CAMKMT: variants seen among roughly 807,000 people sequenced by gnomAD.
CAMKMT encodes calmodulin-lysine N-methyltransferase, also known as CaM KMT.
In CAMKMT, 53 loss-of-function variants were observed where a neutral mutation model predicts 48.0. The ratio of observed to expected loss-of-function variants is 1.10; its 90% confidence interval spans 0.89 to 1.39. The LOEUF is 1.39. CAMKMT is among the 40% of genes most tolerant of loss of function. The pLI is 0.00. For missense variants in CAMKMT, 428 were observed against 402.7 expected (o/e 1.06, Z -0.54); for synonymous variants, 165 against 152.3 (o/e 1.08, Z -0.61).
chr2:44,449,327 C>A (rs376358874), intron 3 of CAMKMT, among the ~76,000 whole-genome samples: 1 of 152,094 alleles, frequency 6.6e-6, no homozygotes, highest in African/African-American at 2.4e-5. Flanking sequence ...TAAACCCATG[C>A]ATGTTATTTC....
At chr2:44,507,542 C>T (rs1670324545) in intron 3 of CAMKMT, among the ~76,000 whole-genome samples, 1 of 151,896 alleles carries the variant, frequency 6.6e-6, no homozygotes, top group South Asian at 2.1e-4. Flanking sequence ...TCATTTTTTT[C>T]TTGTCTATTT....
At position 44,579,975 on chromosome 2, in the gene CAMKMT, G is replaced by A. The variant is rs1484188850; in HGVS notation, c.377-124308G>A. Among the ~76,000 whole-genome samples, 4 of 152,252 alleles carry A rather than the reference G, an allele frequency of 2.6e-5. No homozygotes were observed. In the East Asian group the frequency reaches 5.8e-4, roughly 22 times the overall value. On this transcript the variant is annotated intron_variant, in intron 3 of 10. Transcript: ENST00000378494. The stretch of plus-strand genomic sequence containing the variant: ...AGCAAGCATCTTACAGAAATGAGGT[G>A]TCCTAGTTTTTTTTAGACCCAATTC...
chr2:44,659,461 G>A (rs1674560574), intron 3 of CAMKMT, among the ~76,000 whole-genome samples: 1 of 151,544 alleles, frequency 6.6e-6, no homozygotes, highest in African/African-American at 2.4e-5. Context: ...GGAGTTCAGT[G>A]GGTCATGCCT....
chr2:44,381,418 A>T (rs982783217), intron 2 of CAMKMT, among the ~76,000 whole-genome samples: 12 of 152,186 alleles, frequency 7.9e-5, no homozygotes, highest in African/African-American at 2.9e-4. Flanking sequence ...GACAGATGCA[A>T]GAAGAAGAGA....
At chr2:44,435,799 T>G (rs1005178133) in intron 3 of CAMKMT, among the ~76,000 whole-genome samples, 5 of 152,234 alleles carry the variant, frequency 3.3e-5, no homozygotes, top group African/African-American at 9.6e-5. Context: ...AAGCTTAAAA[T>G]TATTTGAATT....
intron 3 of CAMKMT, among the ~76,000 whole-genome samples, chr2:44,650,282 C>G (rs974297964): frequency 1.3e-5 from 2 of 152,138 alleles, no homozygotes; most frequent in African/African-American, 4.8e-5. Flanking sequence ...TTGTCGTCAC[C>G]TGGTGCTCTC....
Position 44,657,890 on chromosome 2 carries a change from C to A in CAMKMT, c.377-46393C>A, listed in dbSNP as rs751536578. On this transcript the variant is annotated intron_variant, in intron 3 of 10. Transcript: ENST00000378494. The surrounding 1 kb of genome is among the most constrained non-coding windows in gnomAD (Gnocchi z 4.3). ...ACGTTTATCTAACATCTTAGGTGTT[C>A]ATTTCAAAATTCATATAAATGTCTC... Among the ~76,000 whole-genome samples, 10 of 145,214 alleles carry A rather than the reference C, an allele frequency of 6.9e-5. No homozygotes were observed. The highest frequency in any genetic ancestry group is 1.3e-4 in the Non-Finnish European group (9 of 67,832).
intron 3 of CAMKMT, among the ~76,000 whole-genome samples, chr2:44,670,367 C>T (rs895276542): frequency 6.6e-6 from 1 of 152,194 alleles, no homozygotes; most frequent in Non-Finnish European, 1.5e-5. Flanking sequence ...TCACTTGACA[C>T]CAGGAGTTCA....
intron 7 of CAMKMT, among the ~76,000 whole-genome samples, chr2:44,719,560 A>G (rs1390410506): frequency 6.6e-6 from 1 of 152,194 alleles, no homozygotes; most frequent in African/African-American, 2.4e-5. Flanking sequence ...GTACTCCCTG[A>G]AGCAATTAGT....
intron 3 of CAMKMT, among the ~76,000 whole-genome samples, chr2:44,515,057 T>C (rs1670767870): frequency 2.0e-5 from 3 of 152,232 alleles, no homozygotes; most frequent in Admixed American, 1.3e-4. Flanking sequence ...TGATATACTT[T>C]TGTGTCTTAA....
At chr2:44,428,529 C>T (rs1218752123) in intron 3 of CAMKMT, among the ~76,000 whole-genome samples, 1 of 152,222 alleles carries the variant, frequency 6.6e-6, no homozygotes, top group Non-Finnish European at 1.5e-5. Flanking sequence ...CAGGTCCAGG[C>T]TCGAGGGTGG....
intron 3 of CAMKMT, among the ~76,000 whole-genome samples, chr2:44,695,754 G>C (rs924157803): frequency 6.6e-6 from 1 of 152,120 alleles, no homozygotes; most frequent in Admixed American, 6.5e-5. Flanking sequence ...GCAGATATGA[G>C]AAAGCCAGCA....
At chr2:44,733,861 T>G (rs1679213329) in intron 7 of CAMKMT, among the ~76,000 whole-genome samples, 1 of 152,182 alleles carries the variant, frequency 6.6e-6, no homozygotes, top group South Asian at 2.1e-4. Context: ...ATATGTTGTA[T>G]TAATATTGCA....
At chr2:44,768,675 G>T (rs534141016) in intron 10 of CAMKMT, among the ~76,000 whole-genome samples, 1 of 152,286 alleles carries the variant, frequency 6.6e-6, no homozygotes, top group East Asian at 1.9e-4. Flanking sequence ...CCGCCCGCCC[G>T]GGGCTCCGGG....
intron 7 of CAMKMT, among the ~76,000 whole-genome samples, chr2:44,735,277 G>C (rs35861968): frequency 6.6e-6 from 1 of 152,134 alleles, no homozygotes; most frequent in East Asian, 1.9e-4. Flanking sequence ...CATGTACTTC[G>C]GTCTAGCTGT....
chr2:44,453,953 G>A (rs569742546), intron 3 of CAMKMT, among the ~76,000 whole-genome samples: 4 of 151,980 alleles, frequency 2.6e-5, no homozygotes, highest in Non-Finnish European at 5.9e-5. Flanking sequence ...TAAAGCTTGA[G>A]GCAGTGTTGT....
intron 3 of CAMKMT, among the ~76,000 whole-genome samples, chr2:44,587,651 T>TGG (rs1669942885): frequency 3.4e-5 from 4 of 119,236 alleles, no homozygotes; most frequent in African/African-American, 6.1e-5. Flanking sequence ...GGTTTTCCTT[T>TGG]TTTTTTTTTG....
intron 3 of CAMKMT, among the ~76,000 whole-genome samples, chr2:44,627,369 G>C (rs1441147853): frequency 2.0e-5 from 3 of 151,938 alleles, no homozygotes; most frequent in Non-Finnish European, 4.4e-5. Context: ...TTTTTGTCTG[G>C]TTTTGGTATC....
chr2:44,742,291 C>G lies in CAMKMT; in HGVS notation c.624-1331C>G, dbSNP rs555070100. On this transcript the variant is annotated intron_variant, in intron 7 of 10. Transcript: ENST00000378494. ...TTTCCTAATTTCCTTCATTTCTTGC[C>G]TATCCAGTAGGCCTCAGCAAGTACA... Among the ~76,000 whole-genome samples, 508 of 152,262 alleles carry G rather than the reference C, an allele frequency of 3.3e-3. 2 individuals carry two copies. The highest frequency in any genetic ancestry group is 0.012 in the African/African-American group (482 of 41,528).
Sources: allele counts gnomAD v4.1 joint callset (sites outside exome capture counted in the v4.1 genomes callset), GRCh38; gene constraint gnomAD v4.1.1; non-coding constraint Gnocchi (gnomAD v3.1); transcripts MANE v1.5; gene names NCBI Gene and HGNC (gene_info 2026-07-23, HGNC 2026-07-21).